The following C9orf57 variants were observed in gnomAD, a reference collection of about 807,000 sequenced individuals.
C9orf57 encodes the protein uncharacterized protein C9orf57.
A neutral mutation model predicts 12.9 loss-of-function variants in C9orf57; 12 were observed. The ratio of observed to expected loss-of-function variants is 0.93; its 90% confidence interval spans 0.60 to 1.51. C9orf57 has a LOEUF of 1.51. Ranked by LOEUF, C9orf57 falls within the 40% of genes most tolerant of loss-of-function variation. C9orf57 has a pLI of 0.00. For missense variants in C9orf57, 141 were observed against 162.8 expected (o/e 0.87, Z 0.73); for synonymous variants, 49 against 57.1 (o/e 0.86, Z 0.64).
intron 2 of C9orf57, among the ~76,000 whole-genome samples, chr9:72,057,299 C>T (rs1418994822): frequency 6.6e-6 from 1 of 152,064 alleles, no homozygotes; most frequent in Non-Finnish European, 1.5e-5. Context: ...GATCTCGGCT[C>T]ACTGCAACCT....
intron 1 of C9orf57, 99 bp downstream of exon 1, chr9:72,060,398 G>A: frequency 2.9e-6 from 2 of 699,330 alleles, no homozygotes; most frequent in Non-Finnish European, 5.2e-6. Context: ...TGAGGGAAAA[G>A]CATTATGTGA....
intron 4 of C9orf57, among the ~76,000 whole-genome samples, chr9:72,055,233 G>A (rs953137706): frequency 2.6e-5 from 4 of 151,798 alleles, no homozygotes; most frequent in Admixed American, 1.3e-4. Flanking sequence ...CACTGTGCCC[G>A]GTCTGGATTT....
chr9:72,055,084 C>A lies in C9orf57; in HGVS notation c.280+990G>T, dbSNP rs139121204. On this transcript the variant is annotated intron_variant, in intron 4 of 4. Coordinates refer to ENST00000651200, the MANE Select transcript of C9orf57 (RefSeq NM_001128618.2). The stretch of plus-strand genomic sequence containing the variant: ...GAACATGGTGGTGCAAGCCACCATG[C>A]GCGACTAATTTTTATATATATATAT... Among the ~76,000 whole-genome samples the A allele has an allele frequency of 9.6e-4, 143 of 149,012 alleles. 4 individuals carry two copies. In the East Asian group the frequency reaches 0.026, roughly 27 times the overall value.
At chr9:72,056,592 G>A (rs966548661) in intron 3 of C9orf57, among the ~76,000 whole-genome samples, 192 bp downstream of exon 3, 5 of 151,856 alleles carry the variant, frequency 3.3e-5, no homozygotes, top group Admixed American at 6.6e-5. Context: ...TTACTTAATC[G>A]TTCGTGTCTC....
intron 2 of C9orf57, 142 bp from the exon 3 acceptor site, chr9:72,056,985 C>T: frequency 1.6e-6 from 1 of 611,888 alleles, no homozygotes; most frequent in South Asian, 2.1e-5. Context: ...TCTCGGCTCA[C>T]TGCAACCTCC....
At chr9:72,056,013 T>C (rs1824192180) in intron 4 of C9orf57, 61 bp downstream of exon 4, 2 of 1,485,828 alleles carry the variant, frequency 1.3e-6, no homozygotes, top group African/African-American at 1.4e-5. Flanking sequence ...TGAAAGTTTG[T>C]TGTGATAAGC....
intron 2 of C9orf57, among the ~76,000 whole-genome samples, chr9:72,057,743 G>A (rs1824239077): frequency 6.6e-6 from 1 of 152,106 alleles, no homozygotes. Flanking sequence ...TTCACTGTTA[G>A]GGCTTAATTT....
At chr9:72,052,858 T>G (rs1824108217) in intron 4 of C9orf57, among the ~76,000 whole-genome samples, 1 of 152,216 alleles carries the variant, frequency 6.6e-6, no homozygotes, top group Non-Finnish European at 1.5e-5. Flanking sequence ...TGGAGGTGTA[T>G]GTATGACCTC....
chr9:72,059,638 T>A (rs1824288134), intron 1 of C9orf57, among the ~76,000 whole-genome samples: 1 of 152,096 alleles, frequency 6.6e-6, no homozygotes, highest in South Asian at 2.1e-4. Context: ...CTGCCCAACA[T>A]GGTGAAACCC....
intron 4 of C9orf57, among the ~76,000 whole-genome samples, chr9:72,054,989 G>A (rs765514912): frequency 7.4e-6 from 1 of 134,482 alleles, no homozygotes; most frequent in Non-Finnish European, 1.5e-5. Context: ...GTTCAATCTC[G>A]GCTCCCTGCA....
Position 72,051,695 on chromosome 9 carries a change from TG to T in C9orf57, c.*600del, listed in dbSNP as rs1450230587. 2.6e-5 allele frequency: 4 copies of T among 152,266 alleles called. No individual in the cohort carries two copies. The highest frequency in any genetic ancestry group is 5.9e-5 in the Non-Finnish European group (4 of 68,088). 9.4% of individuals were successfully genotyped at this position (152,266 alleles called of 1,614,324 possible). A position where few individuals can be genotyped will look rare whatever the true frequency, so the allele number is the denominator to read the frequency against. ...GAAAATTCAAAATTTGGATAAACTC[TG>T]AGGCAGATGGAAGAAATAAGTGCCA... On this transcript the variant is annotated 3_prime_UTR_variant, in exon 5 of 5. Coordinates refer to ENST00000651200, the MANE Select transcript of C9orf57 (RefSeq NM_001128618.2).
intron 2 of C9orf57, 130 bp downstream of exon 2, chr9:72,059,105 G>A (rs573189014): frequency 9.5e-6 from 11 of 1,157,392 alleles, no homozygotes; most frequent in African/African-American, 4.7e-5. Context: ...TTGAACTCCC[G>A]ACCTCAGACC....
At chr9:72,053,614 G>A (rs1271031761) in intron 4 of C9orf57, among the ~76,000 whole-genome samples, 1 of 152,158 alleles carries the variant, frequency 6.6e-6, no homozygotes, top group African/African-American at 2.4e-5. Flanking sequence ...GCTGTGACTA[G>A]CAGAGGGGAG....
intron 1 of C9orf57, 66 bp downstream of exon 1, chr9:72,060,431 A>C: frequency 1.2e-6 from 1 of 833,940 alleles, no homozygotes; most frequent in Non-Finnish European, 2.0e-6. Context: ...GTTAATACTT[A>C]TTAAAATGAA....
chr9:72,057,871 C>T (rs1252256748), intron 2 of C9orf57, among the ~76,000 whole-genome samples: 2 of 152,036 alleles, frequency 1.3e-5, no homozygotes, highest in African/African-American at 2.4e-5. Context: ...AAATATTATT[C>T]ATTTTGTTTA....
intron 4 of C9orf57, 51 bp from the exon 5 acceptor site, chr9:72,052,486 T>C: frequency 6.6e-7 from 1 of 1,514,100 alleles, no homozygotes; most frequent in Non-Finnish European, 8.9e-7. Context: ...ACAACCTATG[T>C]GGCCTCAGAT....
intron 2 of C9orf57, among the ~76,000 whole-genome samples, chr9:72,058,648 C>A (rs1824258638): frequency 6.6e-6 from 1 of 152,076 alleles, no homozygotes; most frequent in Non-Finnish European, 1.5e-5. Flanking sequence ...ATTGATGGCC[C>A]CAAAGAAGGG....
chr9:72,054,914 A>AT (rs71353558), intron 4 of C9orf57, among the ~76,000 whole-genome samples: 13,261 of 96,354 alleles, frequency 0.14, 1,691 homozygotes, highest in East Asian at 0.28. Context: ...GGGGTTTGGG[A>AT]TTTTTTTTTT....
At position 72,059,346 on chromosome 9, in the gene C9orf57, C is replaced by T. The variant is rs184342828; in HGVS notation, c.-15G>A. 3.1e-5 allele frequency: 48 copies of T among 1,551,298 alleles called. No homozygotes were observed. The Middle Eastern group carries it at 1.0e-3, about 32-fold the overall frequency. On this transcript the variant is annotated 5_prime_UTR_variant, in exon 2 of 5. Transcript: ENST00000651200. The stretch of plus-strand genomic sequence containing the variant: ...ATCCTTCTCATTCTGATTTCCAAGC[C>T]GAAAAGGAGATGAAAGGAAAGACAC...
Sources: gnomAD v4.1 joint callset for allele counts (sites outside exome capture counted in the v4.1 genomes callset) on GRCh38, gnomAD v4.1.1 for gene constraint, MANE v1.5 for transcripts, NCBI Gene and HGNC (gene_info 2026-07-23, HGNC 2026-07-21) for gene names.